Variants in FRMPD1 observed in about 807,000 individuals in gnomAD.
FRMPD1 encodes FERM and PDZ domain containing 1.
FRMPD1 carries 76 observed loss-of-function variants against 117.8 expected under a neutral mutation model. The observed-to-expected ratio is 0.65, with a 90% CI of 0.54 to 0.78. The LOEUF is 0.78. FRMPD1 is among the 30% of genes least tolerant of loss of function. The pLI is 0.00. For missense variants in FRMPD1, 1,786 were observed against 1,964.5 expected, an observed-to-expected ratio of 0.91 and a Z score of 1.72; for synonymous variants, 783 against 770.4, an observed-to-expected ratio of 1.02 and a Z score of -0.27.
chr9:37,691,739 A>G (rs1034115969), intron 1 of FRMPD1, among the ~76,000 whole-genome samples: 1 of 152,184 alleles, frequency 6.6e-6, no homozygotes, highest in Non-Finnish European at 1.5e-5. Context: ...CCCCATCTCT[A>G]CTAAAAATAC....
chr9:37,681,096 C>A (rs1225561930), intron 1 of FRMPD1, among the ~76,000 whole-genome samples: 1 of 151,464 alleles, frequency 6.6e-6, no homozygotes, highest in African/African-American at 2.4e-5. Context: ...GCCTGTAATC[C>A]CCGCTACCCT....
chr9:37,701,918 G>A (rs1822547040), intron 2 of FRMPD1, among the ~76,000 whole-genome samples: 2 of 152,118 alleles, frequency 1.3e-5, no homozygotes, highest in African/African-American at 4.8e-5. Flanking sequence ...GAAAGAAATG[G>A]ACCCTTTTTG....
chr9:37,616,207 C>A, the FRMPD1 span, among the ~76,000 whole-genome samples: 3 of 150,248 alleles, frequency 2.0e-5, no homozygotes, highest in African/African-American at 7.4e-5. Flanking sequence ...CAACCTCTGC[C>A]TCTGAGTTCT....
Position 37,740,353 on chromosome 9 carries a change from A to G in FRMPD1, c.1825A>G (p.Met609Val), listed in dbSNP as rs1824331839. The change falls in exon 15 of 16, where the codon ATG becomes GTG. Residue 609 changes from methionine (M) to valine (V), a missense_variant. By Grantham distance (21) the Met-to-Val change is conservative. Coordinates refer to ENST00000377765, the MANE Select transcript of FRMPD1 (RefSeq NM_014907.3). The surrounding 1 kb of genome is among the most constrained non-coding windows in gnomAD (Gnocchi z 4.2). ...GYRTSGSSES[M>V]DALEEDDLDT... ...CAGGACCAGTGGCTCGAGTGAGTCC[A>G]TGGACGCTCTGGAAGAGGATGACTT... is the stretch of plus-strand genomic sequence containing the variant. 1.2e-6 allele frequency: 2 copies of G among 1,613,700 alleles called. No individual in the cohort carries two copies. The highest frequency in any genetic ancestry group is 1.7e-5 in the Admixed American group (1 of 60,026).
intron 8 of FRMPD1, among the ~76,000 whole-genome samples, chr9:37,730,251 A>AC (rs1823810361): frequency 6.6e-6 from 1 of 152,100 alleles, no homozygotes; most frequent in Admixed American, 6.5e-5. Context: ...TGTGGGACTT[A>AC]CCCCCGATAT....
At chr9:37,648,253 G>A (rs1279666688), upstream of FRMPD1, among the ~76,000 whole-genome samples, 1 of 151,576 alleles carries the variant, frequency 6.6e-6, no homozygotes, top group Non-Finnish European at 1.5e-5. Context: ...TAGGCAGTTT[G>A]GCTCAAGACT....
At chr9:37,667,062 C>CTTTTTGTTTTTTTTT (rs1821182968) in intron 1 of FRMPD1, among the ~76,000 whole-genome samples, 1 of 111,054 alleles carries the variant, frequency 9.0e-6, no homozygotes, top group African/African-American at 4.0e-5. Context: ...TTGAAGCATG[C>CTTTTTGTTTTTTTTT]TTTTTTTTTT....
intron 1 of FRMPD1, among the ~76,000 whole-genome samples, chr9:37,653,006 G>A (rs905270034): frequency 6.6e-6 from 1 of 152,132 alleles, no homozygotes; most frequent in Non-Finnish European, 1.5e-5. Flanking sequence ...CAAGGAGCTG[G>A]TACGAGCAAG....
At chr9:37,674,405 A>C (rs1287906961) in intron 1 of FRMPD1, among the ~76,000 whole-genome samples, 1 of 152,236 alleles carries the variant, frequency 6.6e-6, no homozygotes, top group East Asian at 1.9e-4. Flanking sequence ...AAGCCATTCA[A>C]CAAGTCTCTA....
At chr9:37,715,541 C>A in intron 5 of FRMPD1, 1 of 429,372 alleles carries the variant, frequency 2.3e-6, no homozygotes, top group South Asian at 1.7e-5. Context: ...GAAAAACATG[C>A]ACAAAGAGAT....
At chr9:37,720,354 G>A in intron 6 of FRMPD1, among the ~76,000 whole-genome samples, 1 of 152,172 alleles carries the variant, frequency 6.6e-6, no homozygotes, top group East Asian at 1.9e-4. Flanking sequence ...GCTGAGGCAG[G>A]CAGATCTCGA....
chr9:37,654,621 AGTTAT>A (rs1820784918), intron 1 of FRMPD1, among the ~76,000 whole-genome samples: 2 of 152,268 alleles, frequency 1.3e-5, no homozygotes, highest in Admixed American at 1.3e-4. Context: ...GAATAGTGCC[AGTTAT>A]GTAGTAAGCA....
chr9:37,721,153 AG>A (rs941177570), intron 6 of FRMPD1, among the ~76,000 whole-genome samples: 7 of 152,212 alleles, frequency 4.6e-5, no homozygotes, highest in African/African-American at 1.4e-4. Context: ...TTAAAGGAAC[AG>A]GGTTCTAAAA....
At chr9:37,628,649 T>C in the FRMPD1 span, among the ~76,000 whole-genome samples, 3 of 152,208 alleles carry the variant, frequency 2.0e-5, no homozygotes, top group Non-Finnish European at 2.9e-5. Context: ...AACCTAACCA[T>C]GCCTCTCTGG....
intron 5 of FRMPD1, among the ~76,000 whole-genome samples, chr9:37,716,056 C>A (rs1344059444): frequency 6.6e-6 from 1 of 152,298 alleles, no homozygotes; most frequent in South Asian, 2.1e-4. Context: ...GTGACCCTCC[C>A]AAATAGTGGC....
At chr9:37,608,374 T>TTC in the FRMPD1 span, among the ~76,000 whole-genome samples, 2 of 121,186 alleles carry the variant, frequency 1.7e-5, no homozygotes, top group African/African-American at 5.5e-5. Flanking sequence ...TTTCTCTTCT[T>TTC]TCTCTTTCTT....
the FRMPD1 span, among the ~76,000 whole-genome samples, chr9:37,634,618 T>C: frequency 8.6e-3 from 1,310 of 152,296 alleles, 18 homozygotes; most frequent in African/African-American, 0.03. Context: ...TTCCCTTCAA[T>C]TCTCCTCTAT....
intron 1 of FRMPD1, among the ~76,000 whole-genome samples, chr9:37,676,284 C>T (rs767021393): frequency 1.4e-4 from 22 of 151,942 alleles, no homozygotes; most frequent in Admixed American, 5.9e-4. Flanking sequence ...TTTTTCGTTC[C>T]TAGAGCTCGT....
chr9:37,720,619 A>AG (rs1338639597), intron 6 of FRMPD1, among the ~76,000 whole-genome samples: 1 of 152,140 alleles, frequency 6.6e-6, no homozygotes, highest in Non-Finnish European at 1.5e-5. Context: ...CAGTGAGCCG[A>AG]GATCGCGCCA....
Sources: allele counts gnomAD v4.1 joint callset (sites outside exome capture counted in the v4.1 genomes callset), GRCh38; gene constraint gnomAD v4.1.1; non-coding constraint Gnocchi (gnomAD v3.1); transcripts MANE v1.5; gene names NCBI Gene and HGNC (gene_info 2026-07-23, HGNC 2026-07-21).